The following PDGFC variants were observed in gnomAD, a reference collection of about 807,000 sequenced individuals.
PDGFC encodes platelet-derived growth factor C.
In PDGFC, 12 loss-of-function variants were observed where a neutral mutation model predicts 35.5. That is an observed-to-expected ratio of 0.34 (90% confidence interval 0.22 to 0.55). The LOEUF (loss-of-function observed/expected upper bound fraction) is 0.55. Among genes scored for constraint, PDGFC ranks in the 20% least tolerant of loss-of-function variants. The pLI, the probability that PDGFC is intolerant of heterozygous loss-of-function variation, is 0.91. For missense variants in PDGFC, 322 were observed against 412.4 expected (o/e 0.78, Z 1.90); for synonymous variants, 159 against 148.8 (o/e 1.07, Z -0.50).
intron 1 of PDGFC, among the ~76,000 whole-genome samples, chr4:156,895,479 A>G (rs1418754529): frequency 2.6e-5 from 4 of 151,956 alleles, no homozygotes; most frequent in African/African-American, 9.7e-5. Context: ...TGAAAATACA[A>G]AAATTAGCCG....
At chr4:156,867,057 C>T (rs904805065) in intron 1 of PDGFC, among the ~76,000 whole-genome samples, 13 of 151,876 alleles carry the variant, frequency 8.6e-5, no homozygotes, top group South Asian at 2.1e-4. Context: ...CAATGGAGTA[C>T]GTTATAAAAA....
intron 1 of PDGFC, among the ~76,000 whole-genome samples, chr4:156,884,939 C>G (rs1251436750): frequency 6.6e-6 from 1 of 152,164 alleles, no homozygotes; most frequent in South Asian, 2.1e-4. Flanking sequence ...ATCACAAACT[C>G]ATTTCTAATT....
chr4:156,841,527 G>A (rs1370838706), intron 2 of PDGFC: 1 of 118,256 alleles, frequency 8.5e-6, no homozygotes, highest in African/African-American at 3.1e-5. Context: ...TTTAATTTTT[G>A]ACAGGATCTA....
At chr4:156,820,038 G>A (rs2110973884) in intron 2 of PDGFC, among the ~76,000 whole-genome samples, 1 of 152,326 alleles carries the variant, frequency 6.6e-6, no homozygotes, top group South Asian at 2.1e-4. Context: ...AATTGGAAGT[G>A]GAACCTGAAC....
rs1474636608 is a variant in PDGFC at position 156,761,674 on chromosome 4, T to C, written c.*1416A>G. ...TGATTCAATACATTTTTGATTCAAA[T>C]AGTCACCACATAACCTAGGCACGAT... On this transcript the variant is annotated 3_prime_UTR_variant, in exon 6 of 6. Transcript: ENST00000502773. The C allele has an allele frequency of 2.0e-5, 3 of 152,764 alleles. No homozygotes were observed. Among genetic ancestry groups the C allele is most frequent in the African/African-American group, 4.8e-5 (2 of 41,590 alleles). 9.5% of individuals were successfully genotyped at this position (152,764 alleles called of 1,614,324 possible). A position where few individuals can be genotyped will look rare whatever the true frequency, so the allele number is the denominator to read the frequency against.
chr4:156,833,539 G>A (rs932463939), intron 2 of PDGFC, among the ~76,000 whole-genome samples: 1 of 152,066 alleles, frequency 6.6e-6, no homozygotes, highest in African/African-American at 2.4e-5. Flanking sequence ...AGAGTAAATT[G>A]TTTATGTGAT....
intron 3 of PDGFC, among the ~76,000 whole-genome samples, chr4:156,777,409 G>A (rs147764352): frequency 2.0e-5 from 3 of 152,176 alleles, no homozygotes; most frequent in African/African-American, 7.2e-5. Context: ...TTGGAGACAG[G>A]GTCTTTAAAG....
chr4:156,851,656 A>G (rs558185757), intron 1 of PDGFC, among the ~76,000 whole-genome samples: 3 of 152,144 alleles, frequency 2.0e-5, no homozygotes, highest in Non-Finnish European at 4.4e-5. Flanking sequence ...ATAAAAATCC[A>G]TGTAAGGACC....
Position 156,842,405 on chromosome 4 carries a change from G to T in PDGFC, c.314+7816C>A, listed in dbSNP as rs934004082. 2.0e-5 allele frequency among the ~76,000 whole-genome samples: 3 copies of T among 151,594 alleles called. No individual in the cohort carries two copies. In the East Asian group the frequency reaches 5.8e-4, roughly 29 times the overall value. ...AAAATTAGCCAAGCTCTAAGTCTGA[G>T]AAAATATATACCTCTAAAGTTTTGT... is the stretch of plus-strand genomic sequence containing the variant. On this transcript the variant is annotated intron_variant, in intron 2 of 5. Transcript: ENST00000502773.
chr4:156,959,365 CACTTAAACATCTAGTAAATG>C (rs1448869970), intron 1 of PDGFC, among the ~76,000 whole-genome samples: 3 of 152,024 alleles, frequency 2.0e-5, no homozygotes, highest in Non-Finnish European at 4.4e-5. Flanking sequence ...GCAAATCTAT[CACTTAAACATCTAGTAAATG>C]ACCCAATTTG....
chr4:156,843,418 T>C (rs1729251547), intron 2 of PDGFC, among the ~76,000 whole-genome samples: 1 of 152,232 alleles, frequency 6.6e-6, no homozygotes, highest in Non-Finnish European at 1.5e-5. Context: ...CCACCATGCA[T>C]GTGCTCCAGC....
At chr4:156,845,967 C>T (rs1486737515) in intron 2 of PDGFC, among the ~76,000 whole-genome samples, 2 of 151,096 alleles carry the variant, frequency 1.3e-5, no homozygotes, top group African/African-American at 4.9e-5. Flanking sequence ...GGAGGGAGCA[C>T]AAAACAATAT....
intron 1 of PDGFC, among the ~76,000 whole-genome samples, chr4:156,875,802 G>A (rs754903234): frequency 1.3e-5 from 2 of 152,076 alleles, no homozygotes; most frequent in Non-Finnish European, 2.9e-5. Flanking sequence ...CCTGTAATCT[G>A]AACCTGGGAG....
intron 2 of PDGFC, among the ~76,000 whole-genome samples, chr4:156,811,902 A>G (rs556540296): frequency 6.6e-6 from 1 of 152,126 alleles, no homozygotes; most frequent in African/African-American, 2.4e-5. Flanking sequence ...AATGCCCAAC[A>G]ATGGAAAGTT....
chr4:156,805,613 T>G (rs942572295), intron 3 of PDGFC, among the ~76,000 whole-genome samples: 1 of 152,074 alleles, frequency 6.6e-6, no homozygotes, highest in African/African-American at 2.4e-5. Context: ...GGAAAGAAAG[T>G]GAATTAATAT....
At chr4:156,917,364 G>A (rs1731177235) in intron 1 of PDGFC, among the ~76,000 whole-genome samples, 1 of 152,108 alleles carries the variant, frequency 6.6e-6, no homozygotes, top group African/African-American at 2.4e-5. Flanking sequence ...TTTATCCTTT[G>A]CCTTTATGAA....
At chr4:156,824,221 CT>C (rs1236863328) in intron 2 of PDGFC, among the ~76,000 whole-genome samples, 3 of 147,754 alleles carry the variant, frequency 2.0e-5, no homozygotes, top group African/African-American at 7.5e-5. Context: ...CAAAACTAGG[CT>C]TTTTGCCCTT....
intron 1 of PDGFC, among the ~76,000 whole-genome samples, chr4:156,895,372 T>A (rs897116536): frequency 6.6e-6 from 1 of 152,158 alleles, no homozygotes; most frequent in Non-Finnish European, 1.5e-5. Flanking sequence ...CAGTGGCTCA[T>A]ACCTGTAATC....
chr4:156,788,842 T>C (rs1280866183), intron 3 of PDGFC, among the ~76,000 whole-genome samples: 1 of 152,256 alleles, frequency 6.6e-6, no homozygotes, highest in African/African-American at 2.4e-5. Context: ...TTCTGACTTC[T>C]GATTATTTTG....
Sources: allele counts gnomAD v4.1 joint callset (sites outside exome capture counted in the v4.1 genomes callset), GRCh38; gene constraint gnomAD v4.1.1; transcripts MANE v1.5; gene names NCBI Gene and HGNC (gene_info 2026-07-23, HGNC 2026-07-21).